Variants in SCAPER observed in about 807,000 individuals in gnomAD.
SCAPER encodes the protein S phase cyclin A-associated protein in the endoplasmic reticulum.
Under a neutral mutation model 182.2 loss-of-function variants are expected in SCAPER, and 98 were observed. The ratio of observed to expected loss-of-function variants is 0.54; its 90% CI spans 0.46 to 0.64. The LOEUF is 0.64. Ranked by LOEUF, SCAPER falls within the 30% of genes least tolerant of loss-of-function variation. The probability of loss-of-function intolerance (pLI) is 0.00; values close to 1 mark genes in which losing one functional copy is unlikely to be tolerated. For missense variants in SCAPER, 1,432 were observed against 1,690.0 expected, an observed-to-expected ratio of 0.85 and a Z score of 2.68; for synonymous variants, 605 against 564.6, an observed-to-expected ratio of 1.07 and a Z score of -1.01.
At chr15:76,843,468 A>C (rs1028525446) in intron 4 of SCAPER, among the ~76,000 whole-genome samples, 7 of 152,208 alleles carry the variant, frequency 4.6e-5, no homozygotes, top group African/African-American at 1.4e-4. Context: ...ACTAGAACTC[A>C]ATCTTTCAAT....
rs71143342 is a variant in SCAPER, at chr15:76,579,265, CAAAAAA to C, written c.2712-4987_2712-4982del. On this transcript the variant is annotated intron_variant, in intron 22 of 31. Transcript: ENST00000563290. ...TGGGTGACAGAGCGAGACTCTGTCTCAAAAAAAAAAAAAAAAAAAAAAAATAGTAAC... is the reference window on the plus strand; with the variant it reads ...TGGGTGACAGAGCGAGACTCTGTCTCAAAAAAAAAAAAAAAAAATAGTAAC... Among the ~76,000 whole-genome samples the C allele has an allele frequency of 3.4e-4, 17 of 49,494 alleles. No homozygotes were observed. In the South Asian group the frequency reaches 5.2e-3, roughly 15 times the overall value. 32.5% of individuals were successfully genotyped at this position (49,494 alleles called of 152,430 possible).
At chr15:76,750,856 C>T (rs1411996537) in intron 15 of SCAPER, among the ~76,000 whole-genome samples, 1 of 151,810 alleles carries the variant, frequency 6.6e-6, no homozygotes, top group Non-Finnish European at 1.5e-5. Flanking sequence ...GCTTTCACCA[C>T]TTTTATTTAA....
In SCAPER at chr15:76,765,631, A is replaced by G; in HGVS notation, c.1427T>C (p.Met476Thr). 6.3e-7 allele frequency: 1 copy of G among 1,576,296 alleles called. No homozygotes were observed. The highest frequency in any genetic ancestry group is 1.2e-5 in the South Asian group (1 of 86,024). The change falls in exon 12 of 32, where the codon ATG (methionine) becomes ACG (threonine). Residue 476 changes from methionine to threonine, a missense_variant. Around this residue, in one of 5 missense-constraint regions of SCAPER, gnomAD observed 128 missense variants for 149.9 expected, o/e 0.85. Coordinates refer to ENST00000563290, the MANE Select transcript of SCAPER (RefSeq NM_020843.4). Reference sequence around the variant, plus strand: ...ACAGAAAGAAACACTCCCACTGCCCATGCTGGCCTAAAATGTAATAAGGGA... The same window carrying G: ...ACAGAAAGAAACACTCCCACTGCCCGTGCTGGCCTAAAATGTAATAAGGGA... Reference protein sequence around the residue: ...TDNDSDFSASMGSGSVSFCGM... With the variant: ...TDNDSDFSASTGSGSVSFCGM...
In SCAPER at chr15:76,699,996, C is replaced by T. The variant is rs184078333; in HGVS notation, c.2508+1762G>A. ...GGGTAGTTGCACGCCAGCAGGGGCC[C>T]ATCCACAGAAGCTCTCCGATGGTCA... On this transcript the variant is annotated intron_variant, in intron 20 of 31. Transcript: ENST00000563290. Among the ~76,000 whole-genome samples the T allele has an allele frequency of 2.4e-4, 36 of 152,292 alleles. 1 individual carries two copies. In the East Asian group the frequency reaches 7.0e-3, roughly 29 times the overall value.
intron 15 of SCAPER, 54 bp downstream of exon 15, chr15:76,753,754 A>G (rs1394354915): frequency 2.6e-6 from 4 of 1,562,830 alleles, no homozygotes; most frequent in East Asian, 2.3e-5. Flanking sequence ...TTATATAACA[A>G]TTCAAAAAAG....
At position 76,771,879 on chromosome 15, in the gene SCAPER, A is replaced by G. The variant is rs761356555; in HGVS notation, c.1111T>C (p.Ser371Pro). 3.7e-5 allele frequency: 60 copies of G among 1,613,028 alleles called. No individual in the cohort carries two copies. The highest frequency in any genetic ancestry group is 1.6e-4 in the Middle Eastern group (1 of 6,080). The stretch of plus-strand genomic sequence containing the variant: ...CACTCTGTATCAATGTGGACAGCAG[A>G]TATTTCAGAAGTTCGAACATAATTG... ...RDNYVRTSEI[S>P]AVHIDTECVS... The change falls in exon 10 of 32, where the codon TCT becomes CCT. Residue 371 changes from serine (S) to proline (P), a missense_variant. Physicochemically the swap from Ser to Pro is moderately conservative, Grantham distance 74 (BLOSUM62 -1). Transcript: ENST00000563290.
At chr15:76,543,179 A>G (rs1287494022) in intron 23 of SCAPER, among the ~76,000 whole-genome samples, 1 of 152,182 alleles carries the variant, frequency 6.6e-6, no homozygotes, top group Non-Finnish European at 1.5e-5. Context: ...GGGAGGTGTA[A>G]TATGTTACTG....
chr15:76,827,346 C>T (rs979591610), intron 5 of SCAPER, among the ~76,000 whole-genome samples: 7 of 152,134 alleles, frequency 4.6e-5, no homozygotes, highest in Admixed American at 1.3e-4. Context: ...CCTGTGGACT[C>T]GGTCCTGAGG....
At chr15:76,783,371 T>G (rs1215728498) in intron 8 of SCAPER, among the ~76,000 whole-genome samples, 1 of 152,156 alleles carries the variant, frequency 6.6e-6, no homozygotes, top group East Asian at 1.9e-4. Flanking sequence ...CAGCAGGTTC[T>G]GAAATTGAGG....
intron 29 of SCAPER, among the ~76,000 whole-genome samples, chr15:76,370,310 T>TTTTTTTTTTG (rs1567007744): frequency 1.5e-5 from 2 of 137,272 alleles, no homozygotes; most frequent in Admixed American, 7.5e-5. Context: ...TTTTTTTTTT[T>TTTTTTTTTTG]TTTTTTGTTT....
At chr15:76,859,179 C>T (rs2071663941) in intron 3 of SCAPER, among the ~76,000 whole-genome samples, 1 of 152,112 alleles carries the variant, frequency 6.6e-6, no homozygotes, top group Admixed American at 6.5e-5. Context: ...AATAATTTTC[C>T]TTTCTGCAAA....
intron 27 of SCAPER, among the ~76,000 whole-genome samples, chr15:76,390,676 C>G (rs770737899): frequency 1.6e-4 from 24 of 152,310 alleles, no homozygotes; most frequent in Non-Finnish European, 3.2e-4. Context: ...ACCTCTCTAG[C>G]TTCAGTTTTC....
At chr15:76,459,779 T>C (rs1467968510) in intron 25 of SCAPER, among the ~76,000 whole-genome samples, 1 of 152,176 alleles carries the variant, frequency 6.6e-6, no homozygotes, top group Non-Finnish European at 1.5e-5. Flanking sequence ...TCCCTTATGT[T>C]TTCTTCTAGC....
chr15:76,783,753 A>G (rs2064349494), intron 8 of SCAPER, among the ~76,000 whole-genome samples: 1 of 152,188 alleles, frequency 6.6e-6, no homozygotes, highest in African/African-American at 2.4e-5. Context: ...AATAAATGTA[A>G]TCCATTATAT....
chr15:76,886,999 G>T (rs1595908798), intron 1 of SCAPER, among the ~76,000 whole-genome samples: 2 of 152,264 alleles, frequency 1.3e-5, no homozygotes, highest in East Asian at 3.9e-4. Context: ...GGGGCCTTTT[G>T]GAGAATGGAG....
chr15:76,579,265 C>CAAAAAAA (rs71143342), intron 22 of SCAPER, among the ~76,000 whole-genome samples: 5 of 49,488 alleles, frequency 1.0e-4, no homozygotes, highest in East Asian at 7.1e-4. Flanking sequence ...GACTCTGTCT[C>CAAAAAAA]AAAAAAAAAA....
intron 24 of SCAPER, among the ~76,000 whole-genome samples, chr15:76,472,779 C>T (rs960119622): frequency 6.6e-6 from 1 of 152,188 alleles, no homozygotes; most frequent in African/African-American, 2.4e-5. Flanking sequence ...CCTTTCCCTT[C>T]CCATTTTGAG....
chr15:76,574,125 T>C, intron 23 of SCAPER, 33 bp downstream of exon 23: 3 of 1,574,446 alleles, frequency 1.9e-6, no homozygotes, highest in Non-Finnish European at 2.6e-6. Context: ...ATCACAAAGA[T>C]TAAGGTTCAA....
intron 22 of SCAPER, among the ~76,000 whole-genome samples, chr15:76,606,798 G>A (rs959091666): frequency 6.6e-6 from 1 of 151,864 alleles, no homozygotes; most frequent in Non-Finnish European, 1.5e-5. Context: ...TTTGATCTTT[G>A]TTGGTTTAAA....
Sources: allele counts gnomAD v4.1 joint callset (sites outside exome capture counted in the v4.1 genomes callset), GRCh38; gene constraint gnomAD v4.1.1; regional missense constraint gnomAD v4.1.1; transcripts MANE v1.5; gene names NCBI Gene and HGNC (gene_info 2026-07-23, HGNC 2026-07-21).